The following LARP1B variants were observed in gnomAD, a reference collection of about 807,000 sequenced individuals.
The protein encoded by LARP1B is La ribonucleoprotein 1B.
In LARP1B, 76 loss-of-function variants were observed where a neutral mutation model predicts 114.2. That is an observed-to-expected ratio of 0.67 (90% CI 0.55 to 0.81). The LOEUF is 0.81. Ranked by LOEUF, LARP1B falls within the 30% of genes least tolerant of loss-of-function variation. The pLI, the probability that LARP1B is intolerant of heterozygous loss-of-function variation, is 0.00. For synonymous variants in LARP1B, 345 were observed against 348.0 expected (o/e 0.99, Z 0.10); for missense variants, 1,014 against 1,075.8 (o/e 0.94, Z 0.80).
rs1299938042 is a variant in LARP1B, at chr4:128,206,651, T to G, written c.2419+114T>G. Reference sequence around the variant, plus strand: ...TCTTCAGGGCAAACCATTTAAGATCTTCATGCTATTGTTGTGTTTCTTGAT... The same window carrying G: ...TCTTCAGGGCAAACCATTTAAGATCGTCATGCTATTGTTGTGTTTCTTGAT... On this transcript the variant is annotated intron_variant, in intron 18 of 19. Transcript: ENST00000326639. 2.4e-5 allele frequency: 35 copies of G among 1,433,244 alleles called. No individual in the cohort carries two copies. In the East Asian group the frequency reaches 8.4e-4, roughly 34 times the overall value. 88.8% of individuals were successfully genotyped at this position (1,433,244 alleles called of 1,614,324 possible).
intron 4 of LARP1B, among the ~76,000 whole-genome samples, chr4:128,079,671 C>T (rs1281223361): frequency 6.6e-6 from 1 of 152,148 alleles, no homozygotes; most frequent in East Asian, 1.9e-4. Flanking sequence ...TCAAGTGATC[C>T]TCCCACCTCA....
At chr4:128,204,709 A>G (rs6818207) in intron 17 of LARP1B, among the ~76,000 whole-genome samples, 3,300 of 152,098 alleles carry the variant, frequency 0.022, 70 homozygotes, top group East Asian at 0.1. Flanking sequence ...CTTAAAGAGT[A>G]TAATTGAATT....
At chr4:128,184,648 T>C (rs1432918999) in intron 15 of LARP1B, among the ~76,000 whole-genome samples, 3 of 152,224 alleles carry the variant, frequency 2.0e-5, no homozygotes, top group Admixed American at 6.5e-5. Context: ...TTGTTAAGTA[T>C]GGTTATTCTA....
At chr4:128,198,059 A>G (rs555951364) in intron 15 of LARP1B, among the ~76,000 whole-genome samples, 2 of 151,580 alleles carry the variant, frequency 1.3e-5, no homozygotes, top group East Asian at 3.9e-4. Context: ...TAATTTTTGT[A>G]TTTTTTATAG....
chr4:128,123,718 C>T, intron 11 of LARP1B: 5 of 973,206 alleles, frequency 5.1e-6, no homozygotes, highest in Non-Finnish European at 4.9e-6. Context: ...ACCAAAGGAA[C>T]CCAACCATTG....
rs62336172 is a variant in LARP1B at position 128,211,774 on chromosome 4, C to T, written c.*1721C>T. Reference sequence around the variant, plus strand: ...ACATATATCTGAAACCTGTATTTAACCAGATATTTCTACTCAACTGAATAT... The same window carrying T: ...ACATATATCTGAAACCTGTATTTAATCAGATATTTCTACTCAACTGAATAT... On this transcript the variant is annotated 3_prime_UTR_variant, in exon 20 of 20. Coordinates refer to ENST00000326639, the MANE Select transcript of LARP1B (RefSeq NM_018078.4). The T allele has an allele frequency of 0.2, 182,343 of 901,256 alleles. 19,590 individuals carry two copies. Among genetic ancestry groups the T allele is most frequent in the South Asian group, 0.29 (5,703 of 19,376 alleles). The allele number at this position is 901,256 out of a possible 1,614,324, so 55.8% of individuals were successfully genotyped here.
At chr4:128,128,003 A>G (rs1264947477) in intron 11 of LARP1B, among the ~76,000 whole-genome samples, 3 of 152,160 alleles carry the variant, frequency 2.0e-5, no homozygotes, top group African/African-American at 4.8e-5. Flanking sequence ...CTTTGCAACA[A>G]ATGTGCCTAG....
intron 8 of LARP1B, among the ~76,000 whole-genome samples, chr4:128,101,777 G>A (rs955142088): frequency 8.5e-5 from 13 of 152,108 alleles, no homozygotes; most frequent in African/African-American, 3.1e-4. Context: ...ACCGCCGCCG[G>A]CATTAGAATG....
intron 1 of LARP1B, among the ~76,000 whole-genome samples, chr4:128,063,403 G>A (rs1301293399): frequency 1.5e-5 from 2 of 130,386 alleles, no homozygotes; most frequent in African/African-American, 6.1e-5. Context: ...ACTCCAGCCT[G>A]GTCGGCAGAG....
chr4:128,081,840 T>C (rs924634191), intron 4 of LARP1B, among the ~76,000 whole-genome samples: 1 of 152,246 alleles, frequency 6.6e-6, no homozygotes, highest in Non-Finnish European at 1.5e-5. Context: ...GCTCAAGCTA[T>C]TCTCGTGCCT....
rs189361348 is a variant in LARP1B, at chr4:128,076,537, G to A, written c.43-1251G>A. Among the ~76,000 whole-genome samples, 56 of 152,166 alleles carry A rather than the reference G, an allele frequency of 3.7e-4. 1 individual carries two copies. Among genetic ancestry groups the A allele is most frequent in the African/African-American group, 1.2e-3 (50 of 41,534 alleles). ...TAATGGACATTTGGATTAATTTTAC[G>A]TTTTGGTTGATACAAATAAAACTGC... On this transcript the variant is annotated intron_variant, in intron 3 of 19. Transcript: ENST00000326639.
At chr4:128,185,025 C>T (rs1238587283) in intron 15 of LARP1B, among the ~76,000 whole-genome samples, 1 of 151,974 alleles carries the variant, frequency 6.6e-6, no homozygotes, top group Non-Finnish European at 1.5e-5. Flanking sequence ...CATATACATA[C>T]ATGTACATAC....
intron 15 of LARP1B, among the ~76,000 whole-genome samples, chr4:128,182,639 C>A: frequency 6.6e-6 from 1 of 152,132 alleles, no homozygotes; most frequent in Non-Finnish European, 1.5e-5. Context: ...AATAACCCTA[C>A]AGTGGCCCCT....
At chr4:128,162,716 T>C (rs1739035808) in intron 12 of LARP1B, among the ~76,000 whole-genome samples, 1 of 152,170 alleles carries the variant, frequency 6.6e-6, no homozygotes, top group African/African-American at 2.4e-5. Flanking sequence ...AAATTGAATC[T>C]GACATTTCAG....
In LARP1B at chr4:128,211,018, A is replaced by G. The variant is rs1758889405; in HGVS notation, c.*965A>G. 3 of 914,904 alleles carry G rather than the reference A, an allele frequency of 3.3e-6. No individual in the cohort carries two copies. Among genetic ancestry groups the G allele is most frequent in the Non-Finnish European group, 2.6e-6 (2 of 766,066 alleles). 56.7% of individuals were successfully genotyped at this position (914,904 alleles called of 1,614,324 possible). On this transcript the variant is annotated 3_prime_UTR_variant, in exon 20 of 20. Coordinates refer to ENST00000326639, the MANE Select transcript of LARP1B (RefSeq NM_018078.4). ...TTATTTTTTGTTTAATTTTGTTTTT[A>G]TAAATGTTTTCAAGAGTTATAGCAA...
At chr4:128,094,368 T>C (rs1284018368) in intron 7 of LARP1B, among the ~76,000 whole-genome samples, 3 of 151,872 alleles carry the variant, frequency 2.0e-5, no homozygotes, top group Non-Finnish European at 4.4e-5. Flanking sequence ...TGTAGATCTT[T>C]AGAGGTTTTT....
rs869184167 is a variant in LARP1B, at chr4:128,098,767, ATTTTTTTTT to A, written c.813+457_813+465del. 3.5e-3 allele frequency among the ~76,000 whole-genome samples: 122 copies of A among 34,992 alleles called. 6 individuals are homozygous for A. Among genetic ancestry groups the A allele is most frequent in the South Asian group, 0.022 (19 of 848 alleles). The allele number at this position is 34,992 out of a possible 152,430, so 23.0% of individuals were successfully genotyped here. Reference sequence around the variant, plus strand: ...TATGTGTATATATATATATATATATATTTTTTTTTTTTTTTTTTTTTTTTTTTTAAGACA... The same window carrying A: ...TATGTGTATATATATATATATATATATTTTTTTTTTTTTTTTTTTAAGACA... On this transcript the variant is annotated intron_variant, in intron 8 of 19. Transcript: ENST00000326639.
intron 6 of LARP1B, 95 bp downstream of exon 6, chr4:128,091,239 A>G (rs1020428861): frequency 6.5e-7 from 1 of 1,533,216 alleles, no homozygotes; most frequent in African/African-American, 1.4e-5. Context: ...TCTTTGTCTG[A>G]TAATAGATGG....
At chr4:128,131,019 G>A (rs1160106379) in intron 11 of LARP1B, among the ~76,000 whole-genome samples, 1 of 152,222 alleles carries the variant, frequency 6.6e-6, no homozygotes, top group Non-Finnish European at 1.5e-5. Flanking sequence ...GATTGCCAAT[G>A]GTTGGAAGGG....
Sources: allele counts gnomAD v4.1 joint callset (sites outside exome capture counted in the v4.1 genomes callset), GRCh38; gene constraint gnomAD v4.1.1; transcripts MANE v1.5; gene names NCBI Gene and HGNC (gene_info 2026-07-23, HGNC 2026-07-21).